Variants in AKAP19 observed in about 807,000 individuals in gnomAD.
AKAP19 encodes the protein A-kinase anchoring protein 19, also known as small A-kinase anchoring protein.
At chr2:190,035,652 T>C in the AKAP19 span, among the ~76,000 whole-genome samples, 19 of 151,972 alleles carry the variant, frequency 1.3e-4, no homozygotes, top group Non-Finnish European at 2.9e-5. Flanking sequence ...AATTTTGCCT[T>C]TTTCTAGATG....
At chr2:189,981,702 T>C in the AKAP19 span, among the ~76,000 whole-genome samples, 1 of 152,236 alleles carries the variant, frequency 6.6e-6, no homozygotes, top group Non-Finnish European at 1.5e-5. Context: ...GCCTGATGAA[T>C]TCCATTAGTG....
chr2:190,194,747 T>C, the AKAP19 span, among the ~76,000 whole-genome samples: 70 of 152,308 alleles, frequency 4.6e-4, no homozygotes, highest in African/African-American at 1.3e-3. Context: ...CTCCAGAGTC[T>C]TGCCATTTCT....
the AKAP19 span, among the ~76,000 whole-genome samples, chr2:189,973,245 T>G: frequency 6.6e-6 from 1 of 152,184 alleles, no homozygotes; most frequent in Non-Finnish European, 1.5e-5. Context: ...GATAATCATG[T>G]GTTTTTTTGT....
chr2:190,181,792 C>A, the AKAP19 span, among the ~76,000 whole-genome samples: 2 of 152,064 alleles, frequency 1.3e-5, no homozygotes, highest in Non-Finnish European at 2.9e-5. Context: ...GATAAGAATT[C>A]GGAGGAATAG....
the AKAP19 span, among the ~76,000 whole-genome samples, chr2:190,085,838 A>C: frequency 1.8e-4 from 27 of 152,332 alleles, no homozygotes; most frequent in African/African-American, 6.5e-4. Context: ...AGATGAAGTA[A>C]CTGGTGCAAT....
the AKAP19 span, among the ~76,000 whole-genome samples, chr2:189,908,295 G>T: frequency 6.6e-6 from 1 of 151,234 alleles, no homozygotes; most frequent in South Asian, 2.1e-4. Context: ...CCAGTTTCAA[G>T]TGATTCTCCT....
the AKAP19 span, among the ~76,000 whole-genome samples, chr2:189,947,461 T>A: frequency 6.6e-6 from 1 of 152,134 alleles, no homozygotes; most frequent in Non-Finnish European, 1.5e-5. Flanking sequence ...CTAGCACTAG[T>A]AACTAAATTT....
chr2:189,961,463 A>G, the AKAP19 span, among the ~76,000 whole-genome samples: 1 of 152,170 alleles, frequency 6.6e-6, no homozygotes, highest in South Asian at 2.1e-4. Context: ...TTATTTTTTT[A>G]ATACTAAAAG....
the AKAP19 span, chr2:189,930,826 A>G: frequency 1.1e-5 from 9 of 800,864 alleles, no homozygotes; most frequent in African/African-American, 6.8e-5. Context: ...TCTTTGAGCT[A>G]TCCTAATTTG....
At chr2:190,107,928 G>C in the AKAP19 span, among the ~76,000 whole-genome samples, 1 of 152,168 alleles carries the variant, frequency 6.6e-6, no homozygotes, top group East Asian at 1.9e-4. Flanking sequence ...TGAAGAAAGT[G>C]TGGCTTAGAG....
At chr2:189,890,953 A>G in the AKAP19 span, among the ~76,000 whole-genome samples, 1 of 152,200 alleles carries the variant, frequency 6.6e-6, no homozygotes, top group African/African-American at 2.4e-5. Flanking sequence ...TGATCCTGTC[A>G]TTATCATGCT....
At chr2:190,181,926 TAAC>T in the AKAP19 span, among the ~76,000 whole-genome samples, 1 of 152,206 alleles carries the variant, frequency 6.6e-6, no homozygotes, top group African/African-American at 2.4e-5. Flanking sequence ...AGATGGCAAA[TAAC>T]ATTATTTAGG....
At chr2:189,922,815 A>C in the AKAP19 span, among the ~76,000 whole-genome samples, 221 of 152,268 alleles carry the variant, frequency 1.5e-3, no homozygotes, top group African/African-American at 5.1e-3. Context: ...TCCTCAGTGC[A>C]AGAAGGCCAT....
the AKAP19 span, among the ~76,000 whole-genome samples, chr2:190,048,514 T>A: frequency 1.3e-5 from 2 of 152,216 alleles, no homozygotes; most frequent in South Asian, 4.1e-4. Context: ...AGCCCACTCC[T>A]TCCCTTTTGC....
the AKAP19 span, among the ~76,000 whole-genome samples, chr2:190,084,364 A>T: frequency 6.6e-6 from 1 of 152,154 alleles, no homozygotes; most frequent in Admixed American, 6.5e-5. Flanking sequence ...AAGTGCTGGG[A>T]TTACAGGCAT....
chr2:189,914,478 A>G, the AKAP19 span, among the ~76,000 whole-genome samples: 3 of 152,086 alleles, frequency 2.0e-5, no homozygotes, highest in Non-Finnish European at 4.4e-5. Context: ...ACAATTTTGT[A>G]TGAAACTGCC....
At chr2:190,094,927 G>A in the AKAP19 span, among the ~76,000 whole-genome samples, 1 of 152,330 alleles carries the variant, frequency 6.6e-6, no homozygotes, top group Non-Finnish European at 1.5e-5. Flanking sequence ...TGAGAGATAA[G>A]TTGAAAGAGT....
chr2:190,155,109 C>T, the AKAP19 span, among the ~76,000 whole-genome samples: 1 of 152,194 alleles, frequency 6.6e-6, no homozygotes, highest in Non-Finnish European at 1.5e-5. Context: ...CAACTTTCTC[C>T]AGTCAAGGAG....
At chr2:190,150,270 T>C in the AKAP19 span, 1 of 152,304 alleles carries the variant, frequency 6.6e-6, no homozygotes, top group East Asian at 1.9e-4. Context: ...AAAGTTCAGC[T>C]AGAGATTTCC....
Sources: gnomAD v4.1 joint callset for allele counts (sites outside exome capture counted in the v4.1 genomes callset) on GRCh38, gnomAD v4.1.1 for gene constraint, MANE v1.5 for transcripts, NCBI Gene and HGNC (gene_info 2026-07-23, HGNC 2026-07-21) for gene names.